COL21A1: variants seen among roughly 807,000 people sequenced by gnomAD.
COL21A1 encodes the protein collagen type XXI alpha 1 chain.
Under a neutral mutation model 137.9 loss-of-function variants are expected in COL21A1, and 149 were observed. The ratio of observed to expected loss-of-function variants is 1.08; its 90% CI spans 0.95 to 1.24. COL21A1 has a LOEUF of 1.24. COL21A1 is among the 50% of genes most tolerant of loss of function. The pLI is 0.00. For missense variants in COL21A1, 1,167 were observed against 1,158.4 expected (o/e 1.01, Z -0.11); for synonymous variants, 456 against 391.5 (o/e 1.16, Z -1.95).
intron 1 of COL21A1, among the ~76,000 whole-genome samples, chr6:56,267,944 C>T (rs566006412): frequency 5.3e-5 from 8 of 152,160 alleles, no homozygotes; most frequent in Admixed American, 4.6e-4. Flanking sequence ...GCCTCCACTG[C>T]CCAGCCTTTG....
chr6:56,126,241 C>T (rs1000712978), intron 12 of COL21A1, 92 bp from the exon 13 acceptor site: 1 of 787,296 alleles, frequency 1.3e-6, no homozygotes, highest in Non-Finnish European at 2.1e-6. Context: ...TTGTCAAAAT[C>T]CACTTCAAAT....
chr6:56,222,925 C>T (rs931399038), intron 1 of COL21A1, among the ~76,000 whole-genome samples: 3 of 152,084 alleles, frequency 2.0e-5, no homozygotes, highest in Middle Eastern at 3.4e-3. Context: ...TTTGACCATC[C>T]TTTTACATTT....
intron 1 of COL21A1, among the ~76,000 whole-genome samples, chr6:56,202,258 T>C (rs1287930918): frequency 1.3e-5 from 2 of 152,172 alleles, no homozygotes; most frequent in African/African-American, 4.8e-5. Flanking sequence ...AATTAATTAA[T>C]AAAACTGTGT....
At chr6:56,164,271 C>T (rs1029782830) in intron 9 of COL21A1, among the ~76,000 whole-genome samples, 152 bp downstream of exon 9, 1 of 151,884 alleles carries the variant, frequency 6.6e-6, no homozygotes, top group Non-Finnish European at 1.5e-5. Flanking sequence ...ACTTGTTTTT[C>T]TAGAAAAAAA....
chr6:56,262,617 T>C (rs1763305059), intron 1 of COL21A1, among the ~76,000 whole-genome samples: 1 of 152,168 alleles, frequency 6.6e-6, no homozygotes, highest in Non-Finnish European at 1.5e-5. Context: ...ATCAAAGTTA[T>C]ACTAGAATAT....
At chr6:56,375,602 C>A in intron 1 of COL21A1, among the ~76,000 whole-genome samples, 1 of 152,286 alleles carries the variant, frequency 6.6e-6, no homozygotes, top group African/African-American at 2.4e-5. Flanking sequence ...TTTTATGGTT[C>A]CCCTAAGCCC....
intron 1 of COL21A1, among the ~76,000 whole-genome samples, chr6:56,367,573 G>C (rs2152349561): frequency 6.6e-6 from 1 of 152,308 alleles, no homozygotes; most frequent in South Asian, 2.1e-4. Context: ...CCTGAGAATG[G>C]CAGAGCAGCA....
chr6:56,152,915 C>T (rs1252144949), intron 10 of COL21A1, among the ~76,000 whole-genome samples: 1 of 152,022 alleles, frequency 6.6e-6, no homozygotes, highest in African/African-American at 2.4e-5. Context: ...AAAAGTAGGT[C>T]CCAGGAAAGG....
chr6:56,293,467 A>C (rs1764099807), intron 1 of COL21A1, among the ~76,000 whole-genome samples: 1 of 152,154 alleles, frequency 6.6e-6, no homozygotes. Flanking sequence ...GTCTTCAGAC[A>C]ACAACAAAAA....
At chr6:56,137,846 T>C (rs1305877299) in intron 12 of COL21A1, among the ~76,000 whole-genome samples, 1 of 152,158 alleles carries the variant, frequency 6.6e-6, no homozygotes, top group East Asian at 1.9e-4. Flanking sequence ...TATTATAGTT[T>C]TAAAAGAAAA....
chr6:56,181,334 T>C (rs902183746), intron 2 of COL21A1, among the ~76,000 whole-genome samples: 2 of 152,158 alleles, frequency 1.3e-5, no homozygotes, highest in African/African-American at 4.8e-5. Flanking sequence ...TCTGTTATTT[T>C]TGGAAGCTTG....
intron 9 of COL21A1, among the ~76,000 whole-genome samples, chr6:56,157,309 T>TTG (rs1554147453): frequency 1.7e-3 from 20 of 11,688 alleles, no homozygotes; most frequent in African/African-American, 0.013. Flanking sequence ...TCATAAGACT[T>TTG]TTTTTTTTTT....
In COL21A1 at chr6:56,057,625, C is replaced by G; in HGVS notation, c.*32G>C. The G allele has an allele frequency of 6.2e-7, 1 of 1,604,970 alleles. No homozygotes were observed. The highest frequency in any genetic ancestry group is 8.5e-7 in the Non-Finnish European group (1 of 1,174,134). ...ATGCAAAAGACCACAGAAAAAGCACCATGCCTAGGCTGCTGAATGAGGCAT... is the reference window on the plus strand; with the variant it reads ...ATGCAAAAGACCACAGAAAAAGCACGATGCCTAGGCTGCTGAATGAGGCAT... On this transcript the variant is annotated 3_prime_UTR_variant, in exon 30 of 30. Transcript: ENST00000244728.
Position 56,060,798 on chromosome 6 carries a change from G to T in COL21A1, c.2353-3C>A. On this transcript the variant is annotated splice_region_variant and splice_polypyrimidine_tract_variant and intron_variant, in intron 26 of 29. Coordinates refer to ENST00000244728, the MANE Select transcript of COL21A1 (RefSeq NM_030820.4). ...AATTGTTCTGAAAACTCTCTTCCCTGCATCAAAGTGTTAGGGGTTATAACA... is the reference window on the plus strand; with the variant it reads ...AATTGTTCTGAAAACTCTCTTCCCTTCATCAAAGTGTTAGGGGTTATAACA... 2 of 1,608,086 alleles carry T rather than the reference G, an allele frequency of 1.2e-6. No individual in the cohort carries two copies. Among genetic ancestry groups the T allele is most frequent in the Non-Finnish European group, 1.7e-6 (2 of 1,178,210 alleles).
rs151066800 is a variant in COL21A1 at position 56,393,154 on chromosome 6, C to G, written c.-39+817G>C. ...CATGGTATTGGCAAAAACAGACAAA[C>G]AGACCAATGGAACAGAAGAGAGAAC... is the stretch of plus-strand genomic sequence containing the variant. On this transcript the variant is annotated intron_variant, in intron 1 of 28. Transcript: ENST00000370819. Among the ~76,000 whole-genome samples, 29 of 151,268 alleles carry G rather than the reference C, an allele frequency of 1.9e-4. No individual in the cohort carries two copies. The East Asian group carries it at 5.6e-3, about 29-fold the overall frequency.
chr6:56,174,129 C>T lies in COL21A1; in HGVS notation c.641-3001G>A, dbSNP rs560837373. ...AAATCAGAGACAAAGTTAGAAAATA[C>T]GTGATGACAAAATCACAACATCCAA... On this transcript the variant is annotated intron_variant, in intron 3 of 29. Transcript: ENST00000244728. Among the ~76,000 whole-genome samples the T allele has an allele frequency of 5.9e-5, 9 of 152,092 alleles. No individual in the cohort carries two copies. The South Asian group carries it at 8.3e-4, about 14-fold the overall frequency.
At chr6:56,132,646 T>A (rs749494164) in intron 12 of COL21A1, among the ~76,000 whole-genome samples, 5 of 152,204 alleles carry the variant, frequency 3.3e-5, no homozygotes, top group Non-Finnish European at 4.4e-5. Flanking sequence ...AATGATTTCA[T>A]AAAATAAGAA....
At chr6:56,229,290 A>G (rs1925145) in intron 1 of COL21A1, among the ~76,000 whole-genome samples, 89,647 of 151,722 alleles carry the variant, frequency 0.59, 26,945 homozygotes, top group East Asian at 0.77. Context: ...GGAGCCTGAG[A>G]GGACAGAACC....
chr6:56,063,577 T>C (rs1453852301), intron 24 of COL21A1, among the ~76,000 whole-genome samples: 2 of 152,086 alleles, frequency 1.3e-5, no homozygotes, highest in Non-Finnish European at 2.9e-5. Context: ...TTCCTCCTCT[T>C]GGTTACTTTT....
Sources: gnomAD v4.1 joint callset for allele counts (sites outside exome capture counted in the v4.1 genomes callset) on GRCh38, gnomAD v4.1.1 for gene constraint, MANE v1.5 for transcripts, NCBI Gene and HGNC (gene_info 2026-07-23, HGNC 2026-07-21) for gene names.